The following NEK11 variants were observed in gnomAD, a reference collection of about 807,000 sequenced individuals.
NEK11 encodes the protein serine/threonine-protein kinase Nek11.
NEK11 carries 72 observed loss-of-function variants against 80.7 expected under a neutral mutation model. The ratio of observed to expected loss-of-function variants is 0.89; its 90% CI spans 0.74 to 1.08. The LOEUF is 1.08. NEK11 is among the 50% of genes least tolerant of loss of function. The pLI is 0.00. For missense variants in NEK11, 764 were observed against 763.6 expected (o/e 1.00, Z -0.01); for synonymous variants, 251 against 260.7 (o/e 0.96, Z 0.36).
intron 14 of NEK11, among the ~76,000 whole-genome samples, chr3:131,181,745 C>CAA (rs58463955): frequency 0.082 from 6,797 of 82,678 alleles, 535 homozygotes; most frequent in Middle Eastern, 0.11. Context: ...GACTCCGCCT[C>CAA]AAAAAAAAAA....
At chr3:131,345,025 T>G (rs2097340991) in intron 17 of NEK11, among the ~76,000 whole-genome samples, 1 of 152,258 alleles carries the variant, frequency 6.6e-6, no homozygotes, top group African/African-American at 2.4e-5. Flanking sequence ...CACTTTTATT[T>G]CTGATTTGAT....
chr3:131,241,728 G>A (rs551459942), intron 15 of NEK11, among the ~76,000 whole-genome samples: 6 of 151,790 alleles, frequency 4.0e-5, no homozygotes, highest in Middle Eastern at 3.4e-3. Context: ...CACACATACC[G>A]TACATATATA....
At chr3:131,162,592 C>A in intron 11 of NEK11, 65 bp downstream of exon 11, 1 of 1,582,468 alleles carries the variant, frequency 6.3e-7, no homozygotes, top group South Asian at 1.2e-5. Context: ...AGGGAATTTA[C>A]AGAGAAAAGC....
chr3:131,139,978 A>T (rs1015264179), intron 7 of NEK11, among the ~76,000 whole-genome samples: 1 of 152,218 alleles, frequency 6.6e-6, no homozygotes, highest in Non-Finnish European at 1.5e-5. Flanking sequence ...AGCATAAGGT[A>T]AAATGTCCCA....
intron 5 of NEK11, among the ~76,000 whole-genome samples, chr3:131,122,996 A>G (rs1174890023): frequency 6.6e-6 from 1 of 152,144 alleles, no homozygotes; most frequent in Non-Finnish European, 1.5e-5. Context: ...TAGATGGAGA[A>G]CTGTGTTGAG....
At chr3:131,103,903 T>A (rs2078775066) in intron 4 of NEK11, among the ~76,000 whole-genome samples, 1 of 152,170 alleles carries the variant, frequency 6.6e-6, no homozygotes, top group African/African-American at 2.4e-5. Context: ...CTTCCCCACC[T>A]TGGGGGCAGC....
At chr3:131,096,424 T>C (rs1159734712) in intron 4 of NEK11, among the ~76,000 whole-genome samples, 4 of 152,146 alleles carry the variant, frequency 2.6e-5, no homozygotes, top group African/African-American at 4.8e-5. Context: ...ATCCAATCAA[T>C]GATTGGTGGG....
At chr3:131,057,734 T>G (rs1312932503) in intron 3 of NEK11, among the ~76,000 whole-genome samples, 2 of 151,486 alleles carry the variant, frequency 1.3e-5, no homozygotes, top group African/African-American at 2.4e-5. Flanking sequence ...TTGATGGGGT[T>G]GTTTGTTTTT....
At chr3:131,170,662 T>C (rs1267042813) in intron 13 of NEK11, 111 bp from the exon 14 acceptor site, 3 of 725,484 alleles carry the variant, frequency 4.1e-6, no homozygotes, top group Non-Finnish European at 4.9e-6. Flanking sequence ...AGGGAGAGGA[T>C]TAGGTAGGCT....
At chr3:131,253,911 G>A (rs182165771) in intron 16 of NEK11, among the ~76,000 whole-genome samples, 74 of 152,238 alleles carry the variant, frequency 4.9e-4, no homozygotes, top group African/African-American at 1.7e-3. Flanking sequence ...TCTTTGCTAT[G>A]AGTATGCTAA....
At chr3:131,298,132 G>A (rs1016369002) in intron 17 of NEK11, among the ~76,000 whole-genome samples, 1 of 152,060 alleles carries the variant, frequency 6.6e-6, no homozygotes, top group Non-Finnish European at 1.5e-5. Flanking sequence ...GCTTAGGATT[G>A]ACTTGGTGAT....
intron 4 of NEK11, among the ~76,000 whole-genome samples, chr3:131,099,561 A>G (rs2078043321): frequency 6.6e-6 from 1 of 152,212 alleles, no homozygotes; most frequent in Non-Finnish European, 1.5e-5. Flanking sequence ...TTAGGGCAGT[A>G]TGGCTATTTT....
chr3:131,109,694 A>AATGGC, intron 4 of NEK11, 109 bp from the exon 5 acceptor site: 1 of 1,109,048 alleles, frequency 9.0e-7, no homozygotes, highest in East Asian at 2.7e-5. Context: ...ATAATTACAG[A>AATGGC]ATGGCACTTT....
chr3:131,126,760 C>T (rs1304113337), intron 5 of NEK11, among the ~76,000 whole-genome samples: 2 of 151,996 alleles, frequency 1.3e-5, no homozygotes, highest in African/African-American at 4.8e-5. Context: ...GAAAATACCT[C>T]GTCATTCTCT....
At position 131,080,507 on chromosome 3, in the gene NEK11, G is replaced by A. The variant is rs1216855855; in HGVS notation, c.255G>A (p.Lys85=). The change falls in exon 4 of 18, where the codon AAG becomes AAA. Residue 85 remains lysine (K), a synonymous_variant. Coordinates refer to ENST00000383366, the MANE Select transcript of NEK11 (RefSeq NM_024800.5). ...ATTTGGAAGCCCAACTCCTCTCCAAGCTGGACCACCCAGCCATTGTCAAGT... is the reference window on the plus strand; with the variant it reads ...ATTTGGAAGCCCAACTCCTCTCCAAACTGGACCACCCAGCCATTGTCAAGT... ...QANLEAQLLS[K]LDHPAIVKFH... 3.2e-5 allele frequency: 52 copies of A among 1,613,938 alleles called. No homozygotes were observed. Among genetic ancestry groups the A allele is most frequent in the Non-Finnish European group, 3.9e-5 (46 of 1,179,990 alleles).
At chr3:131,103,909 G>A (rs144853833) in intron 4 of NEK11, among the ~76,000 whole-genome samples, 7 of 152,302 alleles carry the variant, frequency 4.6e-5, no homozygotes, top group Admixed American at 3.9e-4. Flanking sequence ...CACCTTGGGG[G>A]CAGCAGAGGT....
chr3:131,183,142 T>C (rs1203922855), intron 14 of NEK11, among the ~76,000 whole-genome samples: 1 of 152,198 alleles, frequency 6.6e-6, no homozygotes, highest in Non-Finnish European at 1.5e-5. Flanking sequence ...GAAAGGTGAC[T>C]ACCGATTAAG....
chr3:131,347,910 TTCATC>T (rs1449701524), intron 17 of NEK11, among the ~76,000 whole-genome samples: 1 of 149,474 alleles, frequency 6.7e-6, no homozygotes, highest in East Asian at 2.1e-4. Flanking sequence ...GTGCAGAGAC[TTCATC>T]TCCAAAAAAA....
intron 3 of NEK11, among the ~76,000 whole-genome samples, chr3:131,060,922 A>T (rs902690095): frequency 4.6e-5 from 7 of 152,162 alleles, no homozygotes; most frequent in African/African-American, 1.7e-4. Context: ...GTAGTTTTTA[A>T]TGTGCTTATT....
Sources: allele counts gnomAD v4.1 joint callset (sites outside exome capture counted in the v4.1 genomes callset), GRCh38; gene constraint gnomAD v4.1.1; transcripts MANE v1.5; gene names NCBI Gene and HGNC (gene_info 2026-07-23, HGNC 2026-07-21).